Variants in TCF4 observed in about 807,000 individuals in gnomAD.
TCF4 encodes the protein transcription factor 4.
In TCF4, 3 loss-of-function variants were observed where a neutral mutation model predicts 82.1. That is an observed-to-expected ratio of 0.04 (90% CI 0.02 to 0.09). The LOEUF (loss-of-function observed/expected upper bound fraction) is 0.09. Among genes scored for constraint, TCF4 ranks in the 10% least tolerant of loss-of-function variants. TCF4 has a pLI of 1.00. For synonymous variants in TCF4, 276 were observed against 309.6 expected (o/e 0.89, Z 1.14); for missense variants, 518 against 852.7 (o/e 0.61, Z 4.89).
At position 55,259,982 on chromosome 18, in the gene TCF4, A is replaced by C. The variant is rs2057694590; in HGVS notation, c.1036T>G (p.Ser346Ala). Residue 346 changes from serine (S) to alanine (A), a missense_variant, in exon 13 of 20, where the codon TCA (serine) becomes GCA (alanine). This residue lies in a region of TCF4 where 211 missense variants were observed against 327.4 expected (regional missense o/e 0.64). Transcript: ENST00000354452. ...HTNNSFSSNP[S>A]TPVGSPPSLS... ...GATGGAGGAGAGCCAACAGGAGTTGAAGGGTTTGATGAAAAGCTGTTGTTA... is the reference window on the plus strand; with the variant it reads ...GATGGAGGAGAGCCAACAGGAGTTGCAGGGTTTGATGAAAAGCTGTTGTTA... 9.3e-6 allele frequency: 15 copies of C among 1,613,390 alleles called. No homozygotes were observed. Among genetic ancestry groups the C allele is most frequent in the Non-Finnish European group, 1.3e-5 (15 of 1,179,554 alleles).
chr18:55,257,367 T>C lies in TCF4; in HGVS notation c.1094A>G (p.Asn365Ser), dbSNP rs1600406548. 6.2e-7 allele frequency: 1 copy of C among 1,613,752 alleles called. No individual in the cohort carries two copies. The highest frequency in any genetic ancestry group is 2.2e-5 in the East Asian group (1 of 44,868). ...AGGAGACGATGAGGCCTGTCCTCCA[T>C]TTCTAGACCAAACAGCTGTGCCTGC... ...LSAGTAVWSR[N>S]GGQASSSPNY... is the part of the protein sequence containing the mutation. Residue 365 changes from asparagine (N) to serine (S), a missense_variant, in exon 14 of 20, where the codon AAT becomes AGT. Around this residue, in one of 7 missense-constraint regions of TCF4, gnomAD observed 211 missense variants for 327.4 expected, o/e 0.64. Transcript: ENST00000354452.
At chr18:55,378,443 T>C (rs1484594010) in intron 6 of TCF4, among the ~76,000 whole-genome samples, 2 of 152,218 alleles carry the variant, frequency 1.3e-5, no homozygotes, top group Non-Finnish European at 2.9e-5. Flanking sequence ...TAAGACACTC[T>C]TCTAAGTGTC....
chr18:55,445,061 C>G (rs1317556789), intron 5 of TCF4, among the ~76,000 whole-genome samples: 1 of 152,194 alleles, frequency 6.6e-6, no homozygotes, highest in Non-Finnish European at 1.5e-5. Context: ...TTAATCACCT[C>G]CTGAGTAATC....
At chr18:55,496,948 C>T (rs1053462844) in intron 3 of TCF4, among the ~76,000 whole-genome samples, 2 of 146,610 alleles carry the variant, frequency 1.4e-5, no homozygotes, top group Non-Finnish European at 3.0e-5. Context: ...ATGGAGGATA[C>T]CATTTCCAAG....
At position 55,313,666 on chromosome 18, in the gene TCF4, T is replaced by C. The variant is rs1461901431; in HGVS notation, c.550-34010A>G. On this transcript the variant is annotated intron_variant, in intron 8 of 19. Transcript: ENST00000354452. ...CGGACAATGAACACCCAAGAAATTCTAGAATTATAATAACAAACAATTATT... is the reference window on the plus strand; with the variant it reads ...CGGACAATGAACACCCAAGAAATTCCAGAATTATAATAACAAACAATTATT... Among the ~76,000 whole-genome samples, 3 of 152,230 alleles carry C rather than the reference T, an allele frequency of 2.0e-5. No individual in the cohort carries two copies. In the East Asian group the frequency reaches 5.8e-4, roughly 29 times the overall value.
chr18:55,419,258 A>G (rs1322838897), intron 5 of TCF4, among the ~76,000 whole-genome samples: 1 of 152,238 alleles, frequency 6.6e-6, no homozygotes, highest in Non-Finnish European at 1.5e-5. Context: ...TCTGACATTC[A>G]AATCATTACC....
intron 3 of TCF4, among the ~76,000 whole-genome samples, chr18:55,482,496 T>C (rs1348816196): frequency 3.3e-5 from 5 of 152,168 alleles, no homozygotes; most frequent in Non-Finnish European, 1.5e-5. Context: ...GAGTAGAGTA[T>C]ACAGTAGTGA....
At position 55,569,413 on chromosome 18, in the gene TCF4, C is replaced by T. The variant is rs965078847; in HGVS notation, c.145+15867G>A. Among the ~76,000 whole-genome samples the T allele has an allele frequency of 8.6e-5, 13 of 151,980 alleles. No homozygotes were observed. In the South Asian group the frequency reaches 2.3e-3, roughly 27 times the overall value. ...ATCAATTGAATGCCAGGTGTGGTGC[C>T]GGGCAACTGTAGTCCCAGCTACTTG... On this transcript the variant is annotated intron_variant, in intron 3 of 19. Coordinates refer to ENST00000354452, the MANE Select transcript of TCF4 (RefSeq NM_001083962.2).
chr18:55,407,829 A>G (rs2094170257), intron 5 of TCF4, among the ~76,000 whole-genome samples: 1 of 152,018 alleles, frequency 6.6e-6, no homozygotes, highest in Non-Finnish European at 1.5e-5. Context: ...TTGACTTCCA[A>G]TTTTTCTTCC....
chr18:55,412,110 A>G (rs1425790833), intron 5 of TCF4, among the ~76,000 whole-genome samples: 1 of 152,126 alleles, frequency 6.6e-6, no homozygotes, highest in African/African-American at 2.4e-5. Context: ...CAACCAATTT[A>G]AGTGATAGGC....
intron 5 of TCF4, among the ~76,000 whole-genome samples, chr18:55,419,992 G>A (rs1489229084): frequency 6.6e-6 from 1 of 152,172 alleles, no homozygotes; most frequent in Non-Finnish European, 1.5e-5. Context: ...ATCTTCTAGG[G>A]AGGGTAAAAC....
chr18:55,234,611 G>A lies in TCF4; in HGVS notation c.1423C>T (p.Pro475Ser), dbSNP rs770425523. ...GTCGCAGACTGGACAGGAAGCTGTG[G>A]AACCGGAACCTGGTTTGGCAGAAGA... The part of the protein sequence containing the change: ...HSLLPNQVPV[P>S]QLPVQSATSP... Residue 475 changes from proline to serine, a missense_variant, in exon 16 of 20, where the codon CCA becomes TCA. Coordinates refer to ENST00000354452, the MANE Select transcript of TCF4 (RefSeq NM_001083962.2). The A allele has an allele frequency of 6.2e-7, 1 of 1,614,116 alleles. No homozygotes were observed.
intron 3 of TCF4, among the ~76,000 whole-genome samples, chr18:55,505,658 G>C (rs919632985): frequency 5.9e-5 from 9 of 151,730 alleles, no homozygotes; most frequent in Non-Finnish European, 1.2e-4. Context: ...CAAAAAATTA[G>C]CCGGGCGTAG....
chr18:55,403,505 C>T lies in TCF4; in HGVS notation c.318G>A (p.Arg106=). Residue 106 remains arginine (R), a synonymous_variant, in exon 6 of 20, where the codon AGG becomes AGA. Transcript: ENST00000354452. The part of the protein sequence containing the change: ...VNSRIQSKTE[R]GSYSSYGRES... ...CTCTCCCATAAGATGAGTATGAGCC[C>T]CTTTCTGTTTTACCTGCCAAGAGAA... The T allele has an allele frequency of 6.2e-7, 1 of 1,613,764 alleles. No homozygotes were observed. Among genetic ancestry groups the T allele is most frequent in the Non-Finnish European group, 8.5e-7 (1 of 1,179,814 alleles).
At chr18:55,497,673 T>C (rs1379654408) in intron 3 of TCF4, among the ~76,000 whole-genome samples, 3 of 152,224 alleles carry the variant, frequency 2.0e-5, no homozygotes, top group Admixed American at 2.0e-4. Context: ...GGAGGAATGT[T>C]TGAGTTCATG....
At chr18:55,322,645 A>G (rs2075903285) in intron 8 of TCF4, among the ~76,000 whole-genome samples, 1 of 152,162 alleles carries the variant, frequency 6.6e-6, no homozygotes, top group African/African-American at 2.4e-5. Context: ...CCCGCCGCAG[A>G]CAGCCGCATG....
chr18:55,582,350 T>C (rs766947297), intron 3 of TCF4, among the ~76,000 whole-genome samples: 2 of 152,148 alleles, frequency 1.3e-5, no homozygotes, highest in Non-Finnish European at 2.9e-5. Context: ...AACTATTTCT[T>C]AAAAATAATT....
intron 3 of TCF4, among the ~76,000 whole-genome samples, chr18:55,549,620 C>T (rs916339555): frequency 2.0e-5 from 3 of 152,178 alleles, no homozygotes; most frequent in African/African-American, 7.2e-5. Context: ...ACAACAACAG[C>T]ATGGCGCTGT....
chr18:55,557,850 T>C (rs1274240217), intron 3 of TCF4, among the ~76,000 whole-genome samples: 2 of 152,076 alleles, frequency 1.3e-5, no homozygotes, highest in Non-Finnish European at 2.9e-5. Flanking sequence ...CAAATTGACA[T>C]GTAAACTGAA....
Sources: gnomAD v4.1 joint callset for allele counts (sites outside exome capture counted in the v4.1 genomes callset) on GRCh38, gnomAD v4.1.1 for gene constraint, gnomAD v4.1.1 regional missense constraint, MANE v1.5 for transcripts, NCBI Gene and HGNC (gene_info 2026-07-23, HGNC 2026-07-21) for gene names.